Variants in NKTR observed in about 807,000 individuals in gnomAD.
NKTR encodes natural killer cell triggering receptor.
Under a neutral mutation model 156.3 loss-of-function variants are expected in NKTR, and 67 were observed. The ratio of observed to expected loss-of-function variants is 0.43; its 90% confidence interval spans 0.35 to 0.53. The LOEUF is 0.53. Among genes scored for constraint, NKTR ranks in the 20% least tolerant of loss-of-function variants. The pLI, the probability that NKTR is intolerant of heterozygous loss-of-function variation, is 0.01. For synonymous variants in NKTR, 640 were observed against 596.6 expected, an observed-to-expected ratio of 1.07 and a Z score of -1.06; for missense variants, 1,604 against 1,730.9, an observed-to-expected ratio of 0.93 and a Z score of 1.30.
chr3:42,618,048 AC>A (rs1707549527), intron 3 of NKTR, among the ~76,000 whole-genome samples: 1 of 152,108 alleles, frequency 6.6e-6, no homozygotes, highest in South Asian at 2.1e-4. Flanking sequence ...CTATAATGTT[AC>A]TTTAAAATTA....
At chr3:42,600,934 GCC>G in intron 1 of NKTR, 48 bp from the exon 2 acceptor site, 1 of 1,140,830 alleles carries the variant, frequency 8.8e-7, no homozygotes, top group Non-Finnish European at 1.2e-6. Context: ...CCCTGCCCTC[GCC>G]CCCGCCCTCG....
intron 12 of NKTR, 64 bp from the exon 13 acceptor site, chr3:42,636,804 T>G (rs1709456263): frequency 1.3e-6 from 2 of 1,492,244 alleles, no homozygotes; most frequent in Non-Finnish European, 1.8e-6. Flanking sequence ...TTAACAAAGC[T>G]GTGTCTTAAG....
At chr3:42,630,375 C>T in intron 6 of NKTR, 171 bp from the exon 7 acceptor site, 2 of 1,412,752 alleles carry the variant, frequency 1.4e-6, no homozygotes, top group Non-Finnish European at 1.8e-6. Context: ...AAGATGGCTA[C>T]TATTGCTGTT....
In NKTR at chr3:42,607,969, C is replaced by CTTTTTTT. The variant is rs201803926; in HGVS notation, c.58+6942_58+6948dup. On this transcript the variant is annotated intron_variant, in intron 2 of 16. Coordinates refer to ENST00000232978, the MANE Select transcript of NKTR (RefSeq NM_005385.4). ...TGCCAATCGCAAGTCCTGAGTCGCTCTTTTTTTTTTTTTTTTTTTTTTTTT... is the reference window on the plus strand; with the variant it reads ...TGCCAATCGCAAGTCCTGAGTCGCTCTTTTTTTTTTTTTTTTTTTTTTTTTTTTTTTT... Among the ~76,000 whole-genome samples, 89 of 74,914 alleles carry CTTTTTTT rather than the reference C, an allele frequency of 1.2e-3. 2 individuals are homozygous for CTTTTTTT. Among genetic ancestry groups the CTTTTTTT allele is most frequent in the Non-Finnish European group, 1.6e-3 (54 of 33,890 alleles). 49.1% of individuals were successfully genotyped at this position (74,914 alleles called of 152,430 possible). A position where few individuals can be genotyped will look rare whatever the true frequency, so the allele number is the denominator to read the frequency against.
intron 15 of NKTR, 81 bp downstream of exon 15, chr3:42,643,476 T>C: frequency 1.7e-6 from 2 of 1,144,592 alleles, no homozygotes; most frequent in Non-Finnish European, 2.6e-6. Context: ...AAAGTGGTAT[T>C]TTATTGAGTA....
intron 6 of NKTR, among the ~76,000 whole-genome samples, chr3:42,624,391 T>C (rs1040740470): frequency 2.0e-5 from 3 of 152,108 alleles, no homozygotes; most frequent in Non-Finnish European, 4.4e-5. Context: ...TTCAAAGATT[T>C]GGGACTAAAG....
rs1710332567 is a variant in NKTR at position 42,646,085 on chromosome 3, A to G, written c.*110A>G. The G allele has an allele frequency of 1.4e-6, 1 of 715,938 alleles. No homozygotes were observed. Among genetic ancestry groups the G allele is most frequent in the Non-Finnish European group, 2.4e-6 (1 of 413,312 alleles). The allele number at this position is 715,938 out of a possible 1,614,324, so 44.3% of individuals were successfully genotyped here. A position where few individuals can be genotyped will look rare whatever the true frequency, so the allele number is the denominator to read the frequency against. ...TCAATATCAGAGGTGAATTTCAAAAATAGACACTTCTTAATTGTTACTGGT... is the reference window on the plus strand; with the variant it reads ...TCAATATCAGAGGTGAATTTCAAAAGTAGACACTTCTTAATTGTTACTGGT... On this transcript the variant is annotated 3_prime_UTR_variant, in exon 17 of 17. Coordinates refer to ENST00000232978, the MANE Select transcript of NKTR (RefSeq NM_005385.4).
intron 6 of NKTR, among the ~76,000 whole-genome samples, chr3:42,623,387 G>T (rs923674061): frequency 7.9e-5 from 12 of 152,092 alleles, no homozygotes; most frequent in Non-Finnish European, 1.6e-4. Flanking sequence ...TTGGAAAGGA[G>T]TAAGCAATCC....
chr3:42,615,359 G>A (rs1251886404), intron 2 of NKTR, among the ~76,000 whole-genome samples: 35 of 151,452 alleles, frequency 2.3e-4, no homozygotes, highest in African/African-American at 8.0e-4. Context: ...GATTACAGGC[G>A]TGAGCCACCA....
At chr3:42,616,432 T>C (rs1483758072) in intron 2 of NKTR, among the ~76,000 whole-genome samples, 2 of 152,216 alleles carry the variant, frequency 1.3e-5, no homozygotes, top group Non-Finnish European at 2.9e-5. Flanking sequence ...CTCTTGTGAA[T>C]ATACAGTCAG....
intron 6 of NKTR, chr3:42,629,856 G>T: frequency 2.5e-5 from 25 of 985,364 alleles, no homozygotes; most frequent in Non-Finnish European, 3.0e-5. Context: ...AAGCTGGTTG[G>T]GTGTTTTCTG....
At chr3:42,639,953 A>ACT (rs34248623) in intron 13 of NKTR, among the ~76,000 whole-genome samples, 68,348 of 151,842 alleles carry the variant, frequency 0.45, 17,596 homozygotes, top group African/African-American at 0.7. Context: ...GGTTTACAAA[A>ACT]CTATTACTAT....
At chr3:42,626,034 C>T (rs1351573972) in intron 6 of NKTR, among the ~76,000 whole-genome samples, 1 of 152,074 alleles carries the variant, frequency 6.6e-6, no homozygotes, top group Admixed American at 6.6e-5. Flanking sequence ...TCATTCTGTA[C>T]AATTTGGTGC....
chr3:42,601,145 C>T, intron 2 of NKTR, 81 bp downstream of exon 2: 1 of 1,228,592 alleles, frequency 8.1e-7, no homozygotes, highest in Non-Finnish European at 1.1e-6. Flanking sequence ...GCAACCCTCC[C>T]CCGGCCTTTT....
At chr3:42,633,758 T>C in intron 10 of NKTR, 23 bp downstream of exon 10, 1 of 1,612,868 alleles carries the variant, frequency 6.2e-7, no homozygotes, top group Non-Finnish European at 8.5e-7. Flanking sequence ...ACTAAACTAT[T>C]TATTTTTATT....
At chr3:42,632,930 G>A (rs1424025406) in intron 9 of NKTR, 107 bp downstream of exon 9, 4 of 1,322,020 alleles carry the variant, frequency 3.0e-6, no homozygotes, top group African/African-American at 3.0e-5. Context: ...ATTGAAAAAG[G>A]ATAGCACTTT....
In NKTR at chr3:42,637,397, A is replaced by G. The variant is rs376518787; in HGVS notation, c.1693A>G (p.Lys565Glu). The change falls in exon 13 of 17, where the codon AAA (lysine) becomes GAA (glutamate). Residue 565 changes from lysine (K) to glutamate (E), a missense_variant. Physicochemically the swap from Lys to Glu is moderately conservative, Grantham distance 56 (BLOSUM62 1). Transcript: ENST00000232978. ...SKSGHRKRASKSPRKTASQLS... is the reference protein window; with the variant it reads ...SKSGHRKRASESPRKTASQLS... ...GTCTGGGCACCGAAAGAGAGCATCAAAATCACCAAGAAAAACAGCTTCTCA... is the reference window on the plus strand; with the variant it reads ...GTCTGGGCACCGAAAGAGAGCATCAGAATCACCAAGAAAAACAGCTTCTCA... 1.7e-5 allele frequency: 28 copies of G among 1,613,666 alleles called. No individual in the cohort carries two copies. The highest frequency in any genetic ancestry group is 1.6e-4 in the African/African-American group (12 of 74,904).
chr3:42,627,481 G>A, intron 6 of NKTR: 1 of 985,264 alleles, frequency 1.0e-6, no homozygotes, highest in Non-Finnish European at 1.2e-6. Flanking sequence ...TTATAGTATG[G>A]TTTTAGTTCT....
intron 6 of NKTR, among the ~76,000 whole-genome samples, chr3:42,621,886 T>C (rs537277136): frequency 6.6e-6 from 1 of 152,120 alleles, no homozygotes; most frequent in South Asian, 2.1e-4. Context: ...AGTATTCAGT[T>C]ACTGTACCCC....
Sources: gnomAD v4.1 joint callset for allele counts (sites outside exome capture counted in the v4.1 genomes callset) on GRCh38, gnomAD v4.1.1 for gene constraint, MANE v1.5 for transcripts, NCBI Gene and HGNC (gene_info 2026-07-23, HGNC 2026-07-21) for gene names.